Variants in IL15 observed in about 807,000 individuals in gnomAD.
The protein encoded by IL15 is interleukin-15.
IL15 carries 11 observed loss-of-function variants against 19.6 expected under a neutral mutation model. That is an observed-to-expected ratio of 0.56 (90% CI 0.35 to 0.93). The LOEUF (loss-of-function observed/expected upper bound fraction) is 0.93. Among genes scored for constraint, IL15 ranks in the 40% least tolerant of loss-of-function variants. IL15 has a pLI of 0.01. For missense variants in IL15, 197 were observed against 186.5 expected (o/e 1.06, Z -0.33); for synonymous variants, 58 against 59.6 (o/e 0.97, Z 0.12).
chr4:141,691,027 C>T (rs1259090698), intron 2 of IL15, among the ~76,000 whole-genome samples: 2 of 32,374 alleles, frequency 6.2e-5, no homozygotes, highest in Non-Finnish European at 1.1e-4. Context: ...CTGTATTAAT[C>T]AATTTTCATA....
At chr4:141,642,877 G>A (rs748628901) in intron 1 of IL15, among the ~76,000 whole-genome samples, 10 of 152,134 alleles carry the variant, frequency 6.6e-5, no homozygotes, top group Non-Finnish European at 1.2e-4. Flanking sequence ...TTTTGAGTAA[G>A]GGCAATGTGC....
At chr4:141,644,402 G>T (rs1727152398) in intron 1 of IL15, among the ~76,000 whole-genome samples, 1 of 152,120 alleles carries the variant, frequency 6.6e-6, no homozygotes, top group South Asian at 2.1e-4. Context: ...CTAGGCTGCT[G>T]GAGATGAGAC....
intron 4 of IL15, 46 bp downstream of exon 4, chr4:141,720,612 A>G (rs1205278748): frequency 2.0e-6 from 2 of 978,390 alleles, no homozygotes; most frequent in Non-Finnish European, 3.3e-6. Flanking sequence ...CATGGTCATG[A>G]TGATTGTCCT....
chr4:141,696,597 T>G (rs915950487), intron 2 of IL15, among the ~76,000 whole-genome samples: 1 of 152,062 alleles, frequency 6.6e-6, no homozygotes, highest in Non-Finnish European at 1.5e-5. Flanking sequence ...GTCTTCACAT[T>G]CGTTCAGAAA....
In IL15 at chr4:141,698,761, G is replaced by C. The variant is rs1729185115; in HGVS notation, c.-99-20605G>C. 2.0e-5 allele frequency among the ~76,000 whole-genome samples: 3 copies of C among 151,622 alleles called. No homozygotes were observed. The South Asian group carries it at 6.3e-4, about 32-fold the overall frequency. ...ATCGTACTAATGGTCTATCCATTTT[G>C]TTTATTTTTTCAAAGAACCAGCTTT... On this transcript the variant is annotated intron_variant, in intron 2 of 7. Coordinates refer to ENST00000320650, the MANE Select transcript of IL15 (RefSeq NM_000585.5).
At chr4:141,695,890 T>G (rs1033818896) in intron 2 of IL15, among the ~76,000 whole-genome samples, 9 of 152,134 alleles carry the variant, frequency 5.9e-5, no homozygotes, top group Non-Finnish European at 1.3e-4. Flanking sequence ...TTTCTCCTTT[T>G]CTGTATGTTA....
At chr4:141,706,084 C>A (rs1466498576) in intron 2 of IL15, among the ~76,000 whole-genome samples, 2 of 151,748 alleles carry the variant, frequency 1.3e-5, no homozygotes, top group East Asian at 3.9e-4. Flanking sequence ...ATAACTTACT[C>A]CTAACATTAA....
intron 2 of IL15, among the ~76,000 whole-genome samples, chr4:141,664,110 T>G (rs1727884210): frequency 6.6e-6 from 1 of 152,120 alleles, no homozygotes; most frequent in Non-Finnish European, 1.5e-5. Flanking sequence ...TCAACCCTGC[T>G]ACTGATGCTG....
chr4:141,637,467 T>C (rs193030201), intron 1 of IL15, among the ~76,000 whole-genome samples: 134 of 152,106 alleles, frequency 8.8e-4, no homozygotes, highest in Non-Finnish European at 1.5e-3. Flanking sequence ...CGATAGTGTA[T>C]CTAGAATGTC....
chr4:141,692,488 A>G lies in IL15; in HGVS notation c.-99-26878A>G, dbSNP rs149005119. Among the ~76,000 whole-genome samples the G allele has an allele frequency of 6.2e-4, 95 of 152,316 alleles. 1 individual carries two copies. The highest frequency in any genetic ancestry group is 2.2e-3 in the Admixed American group (33 of 15,308). On this transcript the variant is annotated intron_variant, in intron 2 of 7. Transcript: ENST00000320650. ...ATGCTTTGTTTCCCCTTTAAACATAAGTTCAATTTCAAACTATCTCTGTGA... is the reference window on the plus strand; with the variant it reads ...ATGCTTTGTTTCCCCTTTAAACATAGGTTCAATTTCAAACTATCTCTGTGA...
chr4:141,648,977 T>C (rs1727318358), intron 1 of IL15, among the ~76,000 whole-genome samples: 1 of 152,142 alleles, frequency 6.6e-6, no homozygotes, highest in Non-Finnish European at 1.5e-5. Context: ...GCACATTTGA[T>C]TCTCTTTAGG....
At chr4:141,704,553 C>T in intron 2 of IL15, 1 of 336,636 alleles carries the variant, frequency 3.0e-6, no homozygotes, top group Non-Finnish European at 6.0e-6. Flanking sequence ...TTAATGCAGG[C>T]ATTATAAAAT....
At position 141,723,902 on chromosome 4, in the gene IL15, C is replaced by T. The variant is rs149877731; in HGVS notation, c.195+1894C>T. Among the ~76,000 whole-genome samples, 725 of 152,220 alleles carry T rather than the reference C, an allele frequency of 4.8e-3. 2 individuals carry two copies. Among genetic ancestry groups the T allele is most frequent in the Middle Eastern group, 0.014 (4 of 294 alleles). ...ACAAATCCACAATTATTCTTGAGGA[C>T]TTCACTGCCTCCTCCTCAGTAACTA... On this transcript the variant is annotated intron_variant, in intron 5 of 7. Coordinates refer to ENST00000320650, the MANE Select transcript of IL15 (RefSeq NM_000585.5).
At position 141,656,691 on chromosome 4, in the gene IL15, A is replaced by C. The variant is rs187160636; in HGVS notation, c.-100+384A>C. Among the ~76,000 whole-genome samples, 381 of 152,328 alleles carry C rather than the reference A, an allele frequency of 2.5e-3. 2 individuals carry two copies. Among genetic ancestry groups the C allele is most frequent in the African/African-American group, 8.5e-3 (352 of 41,580 alleles). On this transcript the variant is annotated intron_variant, in intron 2 of 7. Coordinates refer to ENST00000320650, the MANE Select transcript of IL15 (RefSeq NM_000585.5). Reference sequence around the variant, plus strand: ...GCTGATGAGGGTTGGCCTCTGGGTCATAGTTTGATAGTTTGTCAATTCTAG... The same window carrying C: ...GCTGATGAGGGTTGGCCTCTGGGTCCTAGTTTGATAGTTTGTCAATTCTAG...
chr4:141,725,790 G>T (rs1321583211), intron 5 of IL15, among the ~76,000 whole-genome samples: 1 of 152,124 alleles, frequency 6.6e-6, no homozygotes, highest in Non-Finnish European at 1.5e-5. Context: ...CAACATAATT[G>T]TCTGAGTTTT....
intron 2 of IL15, among the ~76,000 whole-genome samples, chr4:141,658,795 C>A (rs56736690): frequency 0.026 from 4,014 of 151,494 alleles, 186 homozygotes; most frequent in African/African-American, 0.091. Context: ...CTTTGACAGT[C>A]ATTATTTATA....
At chr4:141,710,035 T>C (rs1388831043) in intron 2 of IL15, among the ~76,000 whole-genome samples, 2 of 152,188 alleles carry the variant, frequency 1.3e-5, no homozygotes, top group East Asian at 3.8e-4. Flanking sequence ...TTATTTTGCC[T>C]ATGATAATGG....
intron 6 of IL15, among the ~76,000 whole-genome samples, chr4:141,729,545 T>C (rs1293895147): frequency 1.3e-5 from 2 of 152,186 alleles, no homozygotes; most frequent in Non-Finnish European, 2.9e-5. Flanking sequence ...GCCAGTATTA[T>C]TACCCTTTCC....
intron 1 of IL15, among the ~76,000 whole-genome samples, chr4:141,637,469 T>C (rs1313990397): frequency 2.0e-5 from 3 of 152,114 alleles, no homozygotes; most frequent in South Asian, 4.2e-4. Flanking sequence ...ATAGTGTATC[T>C]AGAATGTCGA....
Sources: gnomAD v4.1 joint callset for allele counts (sites outside exome capture counted in the v4.1 genomes callset) on GRCh38, gnomAD v4.1.1 for gene constraint, MANE v1.5 for transcripts, NCBI Gene and HGNC (gene_info 2026-07-23, HGNC 2026-07-21) for gene names.